MCC: variants seen among roughly 807,000 people sequenced by gnomAD.
The protein encoded by MCC is colorectal mutant cancer protein.
Under a neutral mutation model 116.2 loss-of-function variants are expected in MCC, and 90 were observed. The observed-to-expected ratio is 0.77, with a 90% CI of 0.65 to 0.92. MCC has a LOEUF of 0.92. MCC is among the 40% of genes least tolerant of loss of function. The pLI, the probability that MCC is intolerant of heterozygous loss-of-function variation, is 0.00. For missense variants in MCC, 1,516 were observed against 1,312.2 expected (o/e 1.16, Z -2.40); for synonymous variants, 578 against 510.5 (o/e 1.13, Z -1.78).
intron 3 of MCC, among the ~76,000 whole-genome samples, chr5:113,275,861 C>T (rs1422846578): frequency 6.6e-6 from 1 of 152,022 alleles, no homozygotes; most frequent in Non-Finnish European, 1.5e-5. Context: ...GGAACCAATT[C>T]CCCTTGAACA....
chr5:113,380,575 C>T (rs1313087549), intron 2 of MCC, among the ~76,000 whole-genome samples: 1 of 152,154 alleles, frequency 6.6e-6, no homozygotes, highest in Non-Finnish European at 1.5e-5. Flanking sequence ...ATTCTAAGTG[C>T]TGGAGTATAG....
chr5:113,376,193 A>G (rs1296846714), intron 2 of MCC, among the ~76,000 whole-genome samples: 1 of 152,252 alleles, frequency 6.6e-6, no homozygotes, highest in Non-Finnish European at 1.5e-5. Flanking sequence ...TCAAAGGAAT[A>G]ACTGTACCTT....
intron 11 of MCC, among the ~76,000 whole-genome samples, chr5:113,080,622 G>T (rs925841592): frequency 1.3e-5 from 2 of 152,060 alleles, no homozygotes; most frequent in Admixed American, 1.3e-4. Flanking sequence ...CTGGACACAC[G>T]GTGTGGAACA....
At chr5:113,300,180 G>C (rs1766828354) in intron 3 of MCC, among the ~76,000 whole-genome samples, 2 of 152,240 alleles carry the variant, frequency 1.3e-5, no homozygotes, top group East Asian at 1.9e-4. Flanking sequence ...CAGGTTAATT[G>C]AAGCAATCTT....
intron 5 of MCC, among the ~76,000 whole-genome samples, chr5:113,134,721 A>AT (rs1758701230): frequency 6.6e-6 from 1 of 151,234 alleles, no homozygotes; most frequent in African/African-American, 2.4e-5. Context: ...GGAGCCTGAA[A>AT]TTTTTTTGTG....
intron 3 of MCC, among the ~76,000 whole-genome samples, chr5:113,256,212 C>A (rs1049899643): frequency 6.6e-6 from 1 of 152,160 alleles, no homozygotes; most frequent in African/African-American, 2.4e-5. Context: ...CTGTTTCTAT[C>A]CAAGAGGAGA....
chr5:113,220,678 C>A (rs185643025), intron 3 of MCC, among the ~76,000 whole-genome samples: 1 of 152,266 alleles, frequency 6.6e-6, no homozygotes, highest in Non-Finnish European at 1.5e-5. Context: ...ATCTTGTAAC[C>A]ATGTAAAATT....
At chr5:113,203,294 GCA>G (rs1228947794) in intron 3 of MCC, 1 of 152,286 alleles carries the variant, frequency 6.6e-6, no homozygotes, top group Non-Finnish European at 1.5e-5. Context: ...TGTGGTGGAG[GCA>G]CAGTCCGGGG....
At position 113,187,839 on chromosome 5, in the gene MCC, T is replaced by G. The variant is rs886199847; in HGVS notation, c.628-36417A>C. ...GTGACCAAAATAGAACATCAAAGAC[T>G]CTCTCACATCACAAATGTGAGCCAT... On this transcript the variant is annotated intron_variant, in intron 3 of 18. Transcript: ENST00000408903. Among the ~76,000 whole-genome samples the G allele has an allele frequency of 1.1e-4, 16 of 151,282 alleles. 2 individuals carry two copies. The highest frequency in any genetic ancestry group is 2.0e-4 in the Admixed American group (3 of 15,222).
At chr5:113,366,577 G>A (rs1044137963) in intron 2 of MCC, among the ~76,000 whole-genome samples, 5 of 152,012 alleles carry the variant, frequency 3.3e-5, no homozygotes, top group African/African-American at 9.7e-5. Flanking sequence ...TGTCTTATTT[G>A]ATTTCCTACC....
rs112069842 is a variant in MCC, at chr5:113,338,486, T to C, written c.627+2033A>G. 9.7e-4 allele frequency among the ~76,000 whole-genome samples: 147 copies of C among 152,230 alleles called. 2 individuals are homozygous for C. The highest frequency in any genetic ancestry group is 3.3e-3 in the African/African-American group (138 of 41,546). Reference sequence around the variant, plus strand: ...GGAGAAGCTGGGAACCACAGAGTCATACAGAGATAGGAAACAGCCAACTCC... The same window carrying C: ...GGAGAAGCTGGGAACCACAGAGTCACACAGAGATAGGAAACAGCCAACTCC... On this transcript the variant is annotated intron_variant, in intron 3 of 18. Transcript: ENST00000408903.
intron 3 of MCC, among the ~76,000 whole-genome samples, chr5:113,330,298 T>C (rs78404151): frequency 0.024 from 3,686 of 152,310 alleles, 156 homozygotes; most frequent in African/African-American, 0.085. Context: ...TCAGTTAAAC[T>C]CTGTGAAATT....
At chr5:113,191,837 G>T (rs1298359564) in intron 3 of MCC, among the ~76,000 whole-genome samples, 1 of 152,196 alleles carries the variant, frequency 6.6e-6, no homozygotes, top group Non-Finnish European at 1.5e-5. Flanking sequence ...TTTAGGTGTA[G>T]TGTCAAGTTG....
chr5:113,378,082 A>G (rs1009907876), intron 2 of MCC, among the ~76,000 whole-genome samples: 5 of 152,184 alleles, frequency 3.3e-5, no homozygotes, highest in African/African-American at 1.2e-4. Flanking sequence ...GATTTTGTAT[A>G]TATTAATTAA....
intron 17 of MCC, among the ~76,000 whole-genome samples, chr5:113,032,133 G>A (rs911867627): frequency 2.0e-5 from 3 of 152,178 alleles, no homozygotes; most frequent in Non-Finnish European, 2.9e-5. Flanking sequence ...TACAGGGGCC[G>A]GGCGCTGTGG....
At chr5:113,206,971 G>GA (rs1188704638) in intron 3 of MCC, among the ~76,000 whole-genome samples, 1 of 152,180 alleles carries the variant, frequency 6.6e-6, no homozygotes, top group African/African-American at 2.4e-5. Context: ...AACTAAAGTA[G>GA]AACCCAGTTC....
chr5:113,346,243 G>A (rs954924033), intron 2 of MCC, among the ~76,000 whole-genome samples: 1 of 151,974 alleles, frequency 6.6e-6, no homozygotes, highest in African/African-American at 2.4e-5. Flanking sequence ...GCCTCAAAAG[G>A]GTAAATCTAA....
chr5:113,264,271 T>C (rs1301830220), intron 3 of MCC, among the ~76,000 whole-genome samples: 2 of 152,192 alleles, frequency 1.3e-5, no homozygotes, highest in Non-Finnish European at 2.9e-5. Flanking sequence ...TTGGTTTCTC[T>C]ATATAAATAC....
intron 3 of MCC, among the ~76,000 whole-genome samples, chr5:113,280,819 G>GTGGCA (rs1180232265): frequency 1.3e-5 from 2 of 152,156 alleles, no homozygotes; most frequent in African/African-American, 2.4e-5. Flanking sequence ...CAGCTTAGAG[G>GTGGCA]TGGCAGTCAA....
Sources: allele counts gnomAD v4.1 joint callset (sites outside exome capture counted in the v4.1 genomes callset), GRCh38; gene constraint gnomAD v4.1.1; transcripts MANE v1.5; gene names NCBI Gene and HGNC (gene_info 2026-07-23, HGNC 2026-07-21).